Variants in TMEFF1 observed in about 807,000 individuals in gnomAD.
TMEFF1 encodes the protein transmembrane protein with EGF like and two follistatin like domains 1.
TMEFF1 carries 20 observed loss-of-function variants against 47.5 expected under a neutral mutation model. The observed-to-expected ratio is 0.42, with a 90% CI of 0.30 to 0.61. The LOEUF is 0.61. Among genes scored for constraint, TMEFF1 ranks in the 20% least tolerant of loss-of-function variants. TMEFF1 has a pLI of 0.19. For synonymous variants in TMEFF1, 162 were observed against 166.3 expected, an observed-to-expected ratio of 0.97 and a Z score of 0.20; for missense variants, 411 against 471.1, an observed-to-expected ratio of 0.87 and a Z score of 1.18.
chr9:100,541,375 C>CTTTTTTTTTT (rs1220537806), intron 5 of TMEFF1, among the ~76,000 whole-genome samples: 2 of 97,680 alleles, frequency 2.0e-5, no homozygotes. Flanking sequence ...TTCTTTCTTT[C>CTTTTTTTTTT]TTTTTTTTTT....
At chr9:100,561,999 A>C (rs1408122774) in intron 8 of TMEFF1, among the ~76,000 whole-genome samples, 1 of 152,184 alleles carries the variant, frequency 6.6e-6, no homozygotes, top group Non-Finnish European at 1.5e-5. Flanking sequence ...AGGTTATGTA[A>C]CTTGTTCAAG....
chr9:100,473,460 G>C lies in TMEFF1; in HGVS notation c.-85G>C. 9.0e-7 allele frequency: 1 copy of C among 1,111,820 alleles called. No individual in the cohort carries two copies. The highest frequency in any genetic ancestry group is 1.1e-6 in the Non-Finnish European group (1 of 874,762). 68.9% of individuals were successfully genotyped at this position (1,111,820 alleles called of 1,614,324 possible). Reference sequence around the variant, plus strand: ...AGCGGCGCGGCTGCTAGGAGGCACCGAGGCAGCGGCGGGGCTCTGGGCGCG... The same window carrying C: ...AGCGGCGCGGCTGCTAGGAGGCACCCAGGCAGCGGCGGGGCTCTGGGCGCG... On this transcript the variant is annotated 5_prime_UTR_variant, in exon 1 of 10. Coordinates refer to ENST00000374879, the MANE Select transcript of TMEFF1 (RefSeq NM_003692.5). This position sits in a 1 kb window ranked among gnomAD's most constrained non-coding sequence, Gnocchi z 5.4.
At chr9:100,566,410 C>T (rs1170871851) in intron 8 of TMEFF1, among the ~76,000 whole-genome samples, 2 of 152,180 alleles carry the variant, frequency 1.3e-5, no homozygotes, top group African/African-American at 2.4e-5. Context: ...ATCTGCTCTC[C>T]CTCCCTAAAC....
chr9:100,499,057 T>C (rs1244627288), intron 2 of TMEFF1, among the ~76,000 whole-genome samples, 183 bp downstream of exon 2: 2 of 152,140 alleles, frequency 1.3e-5, no homozygotes, highest in African/African-American at 4.8e-5. Flanking sequence ...TTGCATGGAA[T>C]TGAGAGGACA....
At chr9:100,566,107 A>G (rs1354604226) in intron 8 of TMEFF1, among the ~76,000 whole-genome samples, 2 of 152,130 alleles carry the variant, frequency 1.3e-5, no homozygotes, top group Non-Finnish European at 2.9e-5. Context: ...CAAGAATTAT[A>G]CTGTCTCTTG....
intron 8 of TMEFF1, 56 bp from the exon 9 acceptor site, chr9:100,572,462 T>C: frequency 6.8e-7 from 1 of 1,470,634 alleles, no homozygotes; most frequent in Non-Finnish European, 9.0e-7. Flanking sequence ...ATGTAAAAGC[T>C]TGGGAGTATC....
intron 5 of TMEFF1, among the ~76,000 whole-genome samples, chr9:100,528,104 CA>C (rs1838301785): frequency 6.6e-6 from 1 of 151,288 alleles, no homozygotes; most frequent in Admixed American, 6.6e-5. Flanking sequence ...TCACCATCAT[CA>C]AAGACCAAAA....
rs142696343 is a variant in TMEFF1, at chr9:100,542,985, G to A, written c.561-4759G>A. 3.4e-3 allele frequency among the ~76,000 whole-genome samples: 492 copies of A among 145,026 alleles called. 4 individuals are homozygous for A. Among genetic ancestry groups the A allele is most frequent in the African/African-American group, 0.012 (463 of 39,068 alleles). ...CTCTTGTTGCCTAGGCTGGAGTGCAGTGGTGTGATCTTGGCTCAGCGCAAC... is the reference window on the plus strand; with the variant it reads ...CTCTTGTTGCCTAGGCTGGAGTGCAATGGTGTGATCTTGGCTCAGCGCAAC... On this transcript the variant is annotated intron_variant, in intron 5 of 9. Transcript: ENST00000374879.
chr9:100,506,813 A>G (rs1837873178), intron 2 of TMEFF1, among the ~76,000 whole-genome samples: 1 of 150,736 alleles, frequency 6.6e-6, no homozygotes, highest in South Asian at 2.1e-4. Flanking sequence ...GAAATTATAT[A>G]TGTGCTTTTT....
At chr9:100,478,715 A>G (rs373653674) in intron 1 of TMEFF1, among the ~76,000 whole-genome samples, 17 of 151,660 alleles carry the variant, frequency 1.1e-4, no homozygotes, top group African/African-American at 4.1e-4. Flanking sequence ...AATACATGAC[A>G]TATGTGAAGA....
rs767030931 is a variant in TMEFF1, at chr9:100,570,381, T to TA, written c.900-2136dup. ...ACGGTTTTCCATAATAACTGTATCTTATGTTTTTTTTCTTCAGAGTTTTAT... is the reference window on the plus strand; with the variant it reads ...ACGGTTTTCCATAATAACTGTATCTTAATGTTTTTTTTCTTCAGAGTTTTAT... On this transcript the variant is annotated intron_variant, in intron 8 of 9. Coordinates refer to ENST00000374879, the MANE Select transcript of TMEFF1 (RefSeq NM_003692.5). Among the ~76,000 whole-genome samples the TA allele has an allele frequency of 5.3e-5, 8 of 152,146 alleles. No individual in the cohort carries two copies. In the East Asian group the frequency reaches 1.5e-3, roughly 29 times the overall value.
At chr9:100,555,658 G>A (rs1028870491) in intron 7 of TMEFF1, among the ~76,000 whole-genome samples, 1 of 152,168 alleles carries the variant, frequency 6.6e-6, no homozygotes, top group Non-Finnish European at 1.5e-5. Flanking sequence ...TTCATTATCA[G>A]TGTTATTATG....
intron 2 of TMEFF1, among the ~76,000 whole-genome samples, chr9:100,505,849 T>A (rs1837851095): frequency 6.6e-6 from 1 of 152,234 alleles, no homozygotes; most frequent in Non-Finnish European, 1.5e-5. Context: ...AGTTCATAGA[T>A]TTAGCACTTG....
chr9:100,508,497 G>GT (rs150845139), intron 2 of TMEFF1, among the ~76,000 whole-genome samples: 17,837 of 151,288 alleles, frequency 0.12, 1,175 homozygotes, highest in Middle Eastern at 0.18. Flanking sequence ...TGCAGTATTG[G>GT]TTTTTTTTCC....
intron 2 of TMEFF1, among the ~76,000 whole-genome samples, chr9:100,501,327 G>T (rs939797551): frequency 6.6e-6 from 1 of 151,870 alleles, no homozygotes; most frequent in African/African-American, 2.4e-5. Context: ...GGATTTTGTT[G>T]GTCCTTTTAA....
At chr9:100,560,048 C>G (rs16919195) in intron 7 of TMEFF1, among the ~76,000 whole-genome samples, 2,638 of 152,164 alleles carry the variant, frequency 0.017, 73 homozygotes, top group African/African-American at 0.06. Flanking sequence ...TCACTTCTCC[C>G]TTGATCTTCC....
intron 7 of TMEFF1, among the ~76,000 whole-genome samples, chr9:100,556,415 C>T (rs982013534): frequency 3.3e-5 from 5 of 151,976 alleles, no homozygotes; most frequent in East Asian, 1.9e-4. Flanking sequence ...CTTAAATGTG[C>T]GGGGTTAGTG....
At chr9:100,484,775 C>T (rs1020552880) in intron 1 of TMEFF1, among the ~76,000 whole-genome samples, 22 of 151,532 alleles carry the variant, frequency 1.5e-4, no homozygotes, top group Admixed American at 1.3e-4. Context: ...CTGCAACCTC[C>T]GCCTCCCCGG....
intron 2 of TMEFF1, among the ~76,000 whole-genome samples, chr9:100,505,796 G>T (rs991531467): frequency 4.6e-5 from 7 of 152,208 alleles, no homozygotes; most frequent in African/African-American, 1.7e-4. Flanking sequence ...ACAACACTAC[G>T]TTAGAAAGTA....
Sources: gnomAD v4.1 joint callset for allele counts (sites outside exome capture counted in the v4.1 genomes callset) on GRCh38, gnomAD v4.1.1 for gene constraint, Gnocchi (gnomAD v3.1) non-coding constraint, MANE v1.5 for transcripts, NCBI Gene and HGNC (gene_info 2026-07-23, HGNC 2026-07-21) for gene names.